Variants in POLK observed in about 807,000 individuals in gnomAD.
POLK encodes DNA polymerase kappa, also known as polymerase (DNA directed) kappa.
POLK carries 76 observed loss-of-function variants against 94.0 expected under a neutral mutation model. The observed-to-expected ratio is 0.81, with a 90% CI of 0.67 to 0.98. The LOEUF (loss-of-function observed/expected upper bound fraction) is 0.98, where lower values mean the gene tolerates loss of function less well. Among genes scored for constraint, POLK ranks in the 50% least tolerant of loss-of-function variants. The pLI is 0.00. For synonymous variants in POLK, 349 were observed against 325.4 expected (o/e 1.07, Z -0.78); for missense variants, 954 against 1,010.1 (o/e 0.94, Z 0.75).
upstream of POLK, chr5:75,511,364 G>GCGC: frequency 6.5e-7 from 1 of 1,546,352 alleles, no homozygotes; most frequent in Non-Finnish European, 8.7e-7. Flanking sequence ...TCCGCCCGCC[G>GCGC]CGCCGCCGCC....
At chr5:75,524,395 T>A (rs1018741041) in intron 1 of POLK, among the ~76,000 whole-genome samples, 1 of 152,144 alleles carries the variant, frequency 6.6e-6, no homozygotes, top group African/African-American at 2.4e-5. Context: ...CAGTGGAGTT[T>A]AATTGGCTGC....
intron 6 of POLK, among the ~76,000 whole-genome samples, chr5:75,580,109 T>C (rs1176765032): frequency 1.4e-4 from 22 of 152,092 alleles, no homozygotes; most frequent in Non-Finnish European, 1.6e-4. Flanking sequence ...TTTAAATTAA[T>C]CAGATGTCTG....
At chr5:75,597,026 T>C (rs1399693119) in exon 13 of POLK, 1 of 1,613,772 alleles carries the variant, frequency 6.2e-7, no homozygotes, top group Admixed American at 1.7e-5. Flanking sequence ...CAAGCTCTAG[T>C]TTGTCCTGTT....
chr5:75,536,452 C>A (rs1471930638), intron 1 of POLK, among the ~76,000 whole-genome samples: 6 of 152,204 alleles, frequency 3.9e-5, no homozygotes, highest in Non-Finnish European at 7.3e-5. Context: ...CATCTGGCTA[C>A]AAGAGGCAGG....
chr5:75,549,038 C>G (rs1236208673), intron 2 of POLK, among the ~76,000 whole-genome samples: 1 of 152,108 alleles, frequency 6.6e-6, no homozygotes, highest in Non-Finnish European at 1.5e-5. Flanking sequence ...AAATGTTTCA[C>G]TTGTAATGAA....
intron 1 of POLK, among the ~76,000 whole-genome samples, chr5:75,543,858 G>A (rs1489599150): frequency 6.6e-6 from 1 of 152,128 alleles, no homozygotes; most frequent in East Asian, 1.9e-4. Flanking sequence ...TTTTGAGACA[G>A]GTTCTTGCTC....
At chr5:75,593,978 C>T in exon 12 of POLK, 1 of 1,610,474 alleles carries the variant, frequency 6.2e-7, no homozygotes, top group Non-Finnish European at 8.5e-7. Context: ...GAAATATTTG[C>T]CATTGCTAAG....
chr5:75,608,395 A>G, the POLK span, among the ~76,000 whole-genome samples: 1 of 152,106 alleles, frequency 6.6e-6, no homozygotes, highest in Non-Finnish European at 1.5e-5. Context: ...GAGTCTCACT[A>G]AGTTGCCCAG....
At chr5:75,608,197 ATT>A in the POLK span, among the ~76,000 whole-genome samples, 4 of 145,582 alleles carry the variant, frequency 2.7e-5, no homozygotes, top group Non-Finnish European at 3.0e-5. Flanking sequence ...AACTTAATTA[ATT>A]TTTTTTTTTT....
chr5:75,524,955 T>C (rs1327241675), intron 1 of POLK, among the ~76,000 whole-genome samples: 2 of 152,220 alleles, frequency 1.3e-5, no homozygotes, highest in Non-Finnish European at 2.9e-5. Context: ...CACGGCAAAT[T>C]GAGAGCAATC....
chr5:75,601,716 A>G (rs762036882), downstream of POLK, among the ~76,000 whole-genome samples: 8 of 152,150 alleles, frequency 5.3e-5, no homozygotes, highest in Non-Finnish European at 5.9e-5. Context: ...GCCAGGGACT[A>G]TCAGGCCTTC....
intron 1 of POLK, among the ~76,000 whole-genome samples, chr5:75,520,679 A>G (rs1373514679): frequency 6.6e-6 from 1 of 152,226 alleles, no homozygotes; most frequent in African/African-American, 2.4e-5. Context: ...TATTACAGGC[A>G]TGAACCACAG....
chr5:75,562,044 GAA>G (rs2112716839), intron 3 of POLK, among the ~76,000 whole-genome samples: 1 of 152,230 alleles, frequency 6.6e-6, no homozygotes, highest in East Asian at 1.9e-4. Context: ...ATTCTGTAAA[GAA>G]AGTCAGTGGT....
intron 6 of POLK, 50 bp downstream of exon 6, chr5:75,576,983 A>C (rs534104734): frequency 8.5e-5 from 96 of 1,125,858 alleles, no homozygotes; most frequent in South Asian, 4.9e-4. Context: ...AAAAAAAAAA[A>C]CCCACAACTC....
At chr5:75,514,256 T>C (rs1191913763) in intron 1 of POLK, among the ~76,000 whole-genome samples, 1 of 152,194 alleles carries the variant, frequency 6.6e-6, no homozygotes, top group Non-Finnish European at 1.5e-5. Flanking sequence ...ACAATAATTA[T>C]GTGTAGAGAG....
intron 3 of POLK, among the ~76,000 whole-genome samples, chr5:75,563,558 A>G (rs913798948): frequency 5.3e-5 from 8 of 152,164 alleles, no homozygotes; most frequent in Non-Finnish European, 8.8e-5. Flanking sequence ...ACCTCTAAAC[A>G]CTGCTTTAGC....
intron 9 of POLK, 52 bp from the exon 10 acceptor site, chr5:75,586,974 C>CT: frequency 7.5e-7 from 1 of 1,330,126 alleles, no homozygotes; most frequent in Non-Finnish European, 1.1e-6. Context: ...TCTTGGTTAA[C>CT]TAAAAAAAAC....
chr5:75,592,852 A>C (rs1169187371), intron 11 of POLK, among the ~76,000 whole-genome samples: 1 of 151,878 alleles, frequency 6.6e-6, no homozygotes, highest in Non-Finnish European at 1.5e-5. Flanking sequence ...CCAGGAGTTC[A>C]AGACCAGCCT....
intron 1 of POLK, among the ~76,000 whole-genome samples, chr5:75,539,490 T>A (rs1216009803): frequency 1.3e-5 from 2 of 152,186 alleles, no homozygotes; most frequent in Non-Finnish European, 2.9e-5. Context: ...ACACAAATAT[T>A]TCTTTTTCTT....
Sources: gnomAD v4.1 joint callset for allele counts (sites outside exome capture counted in the v4.1 genomes callset) on GRCh38, gnomAD v4.1.1 for gene constraint, MANE v1.5 for transcripts, NCBI Gene and HGNC (gene_info 2026-07-23, HGNC 2026-07-21) for gene names.